FLNB: variants seen among roughly 807,000 people sequenced by gnomAD.
FLNB encodes filamin-B.
A neutral mutation model predicts 250.6 loss-of-function variants in FLNB; 111 were observed. The ratio of observed to expected loss-of-function variants is 0.44; its 90% CI spans 0.38 to 0.52. FLNB has a LOEUF of 0.52. Among genes scored for constraint, FLNB ranks in the 20% least tolerant of loss-of-function variants. The pLI, the probability that FLNB is intolerant of heterozygous loss-of-function variation, is 0.00. For missense variants in FLNB, 2,869 were observed against 3,447.8 expected (o/e 0.83, Z 4.20); for synonymous variants, 1,302 against 1,372.1 (o/e 0.95, Z 1.13).
At chr3:58,102,071 G>A in intron 8 of FLNB, 132 bp from the exon 9 acceptor site, 4 of 947,032 alleles carry the variant, frequency 4.2e-6, no homozygotes, top group Non-Finnish European at 6.6e-6. Flanking sequence ...GGGACCCCTG[G>A]TCTTGGGCAA....
rs574032716 is a variant in FLNB at position 58,098,586 on chromosome 3, G to T, written c.1148-125G>T. ...GACCTCAAGTGATCTACCCACCTCG[G>T]CCTCTCGAAGTGCTGGGATTACAAG... On this transcript the variant is annotated intron_variant, in intron 7 of 45. Coordinates refer to ENST00000295956, the MANE Select transcript of FLNB (RefSeq NM_001457.4). 2.4e-5 allele frequency: 20 copies of T among 836,134 alleles called. No homozygotes were observed. In the African/African-American group the frequency reaches 3.3e-4, roughly 14 times the overall value. 51.8% of individuals were successfully genotyped at this position (836,134 alleles called of 1,614,324 possible). A position where few individuals can be genotyped will look rare whatever the true frequency, so the allele number is the denominator to read the frequency against.
intron 42 of FLNB, among the ~76,000 whole-genome samples, chr3:58,160,362 A>C (rs1035048422): frequency 2.6e-5 from 4 of 152,226 alleles, no homozygotes; most frequent in African/African-American, 9.7e-5. Flanking sequence ...TCAACTTTAA[A>C]GAGACAGTGT....
Position 58,170,747 on chromosome 3 carries a change from T to C in FLNB, c.7794T>C (p.His2598=), listed in dbSNP as rs140318342. The change falls in exon 46 of 46, where the codon CAT becomes CAC. Residue 2598 remains histidine (H), a synonymous_variant. Coordinates refer to ENST00000295956, the MANE Select transcript of FLNB (RefSeq NM_001457.4). The part of the protein sequence containing the change: ...GEEHIPGSPF[H]VTVP Reference sequence around the variant, plus strand: ...AACACATCCCTGGCAGCCCTTTTCATGTCACAGTGCCTTAAAACAGTTTTC... The same window carrying C: ...AACACATCCCTGGCAGCCCTTTTCACGTCACAGTGCCTTAAAACAGTTTTC... 52 of 1,614,168 alleles carry C rather than the reference T, an allele frequency of 3.2e-5. No individual in the cohort carries two copies. Among genetic ancestry groups the C allele is most frequent in the Admixed American group, 2.2e-4 (13 of 60,026 alleles).
At chr3:58,014,720 C>T (rs773097524) in intron 1 of FLNB, among the ~76,000 whole-genome samples, 11 of 152,018 alleles carry the variant, frequency 7.2e-5, no homozygotes, top group African/African-American at 1.7e-4. Flanking sequence ...GTGCCAGTCA[C>T]CTTGCGTTTT....
At chr3:58,071,956 C>T (rs1331911732) in intron 1 of FLNB, among the ~76,000 whole-genome samples, 1 of 151,730 alleles carries the variant, frequency 6.6e-6, no homozygotes, top group Non-Finnish European at 1.5e-5. Context: ...TAAAAATAGC[C>T]GGTTTCCACC....
intron 1 of FLNB, among the ~76,000 whole-genome samples, chr3:58,039,802 T>C (rs1256876719): frequency 2.0e-5 from 3 of 152,122 alleles, no homozygotes; most frequent in African/African-American, 7.2e-5. Flanking sequence ...GTAGCACTAG[T>C]GTATGCTCCC....
intron 24 of FLNB, among the ~76,000 whole-genome samples, chr3:58,127,294 C>G (rs1437703964): frequency 2.0e-5 from 3 of 150,838 alleles, no homozygotes; most frequent in Non-Finnish European, 2.9e-5. Context: ...CCACTGCGCT[C>G]CAGCTTGGGT....
At chr3:58,023,516 T>C (rs955567600) in intron 1 of FLNB, among the ~76,000 whole-genome samples, 3 of 152,242 alleles carry the variant, frequency 2.0e-5, no homozygotes, top group Admixed American at 6.5e-5. Context: ...TTAATGAATC[T>C]TTTTCTACTT....
chr3:58,158,056 G>GT (rs967251901), intron 41 of FLNB, among the ~76,000 whole-genome samples: 5 of 133,320 alleles, frequency 3.8e-5, no homozygotes, highest in African/African-American at 1.1e-4. Context: ...GGCATGTATC[G>GT]TTTTGTCTTG....
chr3:58,102,301 G>T lies in FLNB; in HGVS notation c.1444G>T (p.Ala482Ser), dbSNP rs553034489. Reference sequence around the variant, plus strand: ...AGATTTCAAGGTTGACACCAAAGCTGCAGGAAGTGGGGAGCTCGGTGTAAC... The same window carrying T: ...AGATTTCAAGGTTGACACCAAAGCTTCAGGAAGTGGGGAGCTCGGTGTAAC... The part of the protein sequence containing the change: ...TTDFKVDTKA[A>S]GSGELGVTMK... The change falls in exon 9 of 46, where the codon GCA becomes TCA. Residue 482 changes from alanine to serine, a missense_variant. Around this residue, in one of 5 missense-constraint regions of FLNB, gnomAD observed 1,348 missense variants for 1,466.7 expected, o/e 0.92. Transcript: ENST00000295956. The T allele has an allele frequency of 6.2e-7, 1 of 1,614,240 alleles. No homozygotes were observed. The highest frequency in any genetic ancestry group is 8.5e-7 in the Non-Finnish European group (1 of 1,180,030).
chr3:58,108,833 G>A lies in FLNB; in HGVS notation c.2055+262G>A, dbSNP rs116668062. The stretch of plus-strand genomic sequence containing the variant: ...AGGTTATTCTATAATGTCTTTTGGT[G>A]TGGCTGAAGCTGCTGAGGCCATGGG... On this transcript the variant is annotated intron_variant, in intron 13 of 45. Coordinates refer to ENST00000295956, the MANE Select transcript of FLNB (RefSeq NM_001457.4). Among the ~76,000 whole-genome samples the A allele has an allele frequency of 9.7e-3, 1,475 of 151,284 alleles. 24 individuals are homozygous for A. Among genetic ancestry groups the A allele is most frequent in the Middle Eastern group, 0.049 (14 of 288 alleles).
intron 13 of FLNB, 67 bp from the exon 14 acceptor site, chr3:58,109,112 A>G (rs2097264354): frequency 1.2e-6 from 2 of 1,605,874 alleles, no homozygotes; most frequent in Non-Finnish European, 1.7e-6. Flanking sequence ...TTGGGAGGCC[A>G]CAGTGACCCT....
Position 58,154,813 on chromosome 3 carries a change from G to A in FLNB, c.6657G>A (p.Arg2219=), listed in dbSNP as rs1416924126. 2.5e-6 allele frequency: 4 copies of A among 1,613,986 alleles called. No individual in the cohort carries two copies. In the South Asian group the frequency reaches 4.4e-5, roughly 18 times the overall value. ...GVPAEFSIWT[R]EAGAGGLSIA... ...CAGCTGAGTTCAGCATTTGGACCCG[G>A]GAAGCAGGCGCTGGAGGCCTCTCCA... The change falls in exon 40 of 46, where the codon CGG becomes CGA. Residue 2219 remains arginine, a synonymous_variant. Coordinates refer to ENST00000295956, the MANE Select transcript of FLNB (RefSeq NM_001457.4).
At chr3:58,150,461 G>A (rs2107277733) in intron 38 of FLNB, 1 of 580,140 alleles carries the variant, frequency 1.7e-6, no homozygotes, top group Non-Finnish European at 3.1e-6. Flanking sequence ...AATAAAAATA[G>A]CTTTATTGTG....
At chr3:58,141,756 A>G in intron 29 of FLNB, 102 bp from the exon 30 acceptor site, 1 of 1,079,474 alleles carries the variant, frequency 9.3e-7, no homozygotes, top group Non-Finnish European at 1.4e-6. Context: ...GGCTCACTGC[A>G]GTTCAAGATG....
intron 1 of FLNB, among the ~76,000 whole-genome samples, chr3:58,070,863 G>A (rs9841884): frequency 0.035 from 5,254 of 151,356 alleles, 236 homozygotes; most frequent in African/African-American, 0.11. Flanking sequence ...TGTTGGCCAG[G>A]ATGGTCTTGA....
rs2097275150 is a variant in FLNB, at chr3:58,114,834, C to T, written c.2745+2516C>T. 2.6e-5 allele frequency among the ~76,000 whole-genome samples: 4 copies of T among 151,368 alleles called. No homozygotes were observed. In the South Asian group the frequency reaches 6.2e-4, roughly 24 times the overall value. On this transcript the variant is annotated intron_variant, in intron 18 of 45. Coordinates refer to ENST00000295956, the MANE Select transcript of FLNB (RefSeq NM_001457.4). ...GTGATGCTGATCATCTTTTCATGTG[C>T]TTATTGGTCCTTTGCATATTTTCTT...
intron 42 of FLNB, chr3:58,162,630 T>C (rs1374619751): frequency 6.2e-6 from 1 of 160,666 alleles, no homozygotes; most frequent in African/African-American, 2.4e-5. Flanking sequence ...AGAATGGCCA[T>C]CTCCCAATGT....
intron 19 of FLNB, among the ~76,000 whole-genome samples, chr3:58,120,735 G>C (rs1323793804): frequency 2.0e-5 from 3 of 152,174 alleles, no homozygotes; most frequent in African/African-American, 7.2e-5. Flanking sequence ...TGGATATCAA[G>C]TTAACACCAA....
Sources: gnomAD v4.1 joint callset for allele counts (sites outside exome capture counted in the v4.1 genomes callset) on GRCh38, gnomAD v4.1.1 for gene constraint, gnomAD v4.1.1 regional missense constraint, MANE v1.5 for transcripts, NCBI Gene and HGNC (gene_info 2026-07-23, HGNC 2026-07-21) for gene names.